The following KCNG2 variants were observed in gnomAD, a reference collection of about 807,000 sequenced individuals.
KCNG2 encodes voltage-gated potassium channel regulatory subunit KCNG2.
KCNG2 carries 7 observed loss-of-function variants against 12.3 expected under a neutral mutation model. That is an observed-to-expected ratio of 0.57 (90% CI 0.32 to 1.07). The LOEUF (loss-of-function observed/expected upper bound fraction) is 1.07. Ranked by LOEUF, KCNG2 falls within the 50% of genes least tolerant of loss-of-function variation. KCNG2 has a pLI of 0.04. For missense variants in KCNG2, 703 were observed against 726.0 expected, an observed-to-expected ratio of 0.97 and a Z score of 0.36; for synonymous variants, 414 against 351.4, an observed-to-expected ratio of 1.18 and a Z score of -1.99.
intron 1 of KCNG2, among the ~76,000 whole-genome samples, chr18:79,815,230 G>A (rs751313935): frequency 6.6e-6 from 1 of 152,030 alleles, no homozygotes; most frequent in Non-Finnish European, 1.5e-5. Context: ...CTTGAACCCA[G>A]GAGTTCAAGA....
chr18:79,815,835 G>T (rs1346082667), intron 1 of KCNG2, among the ~76,000 whole-genome samples: 1 of 152,234 alleles, frequency 6.6e-6, no homozygotes, highest in African/African-American at 2.4e-5. Flanking sequence ...TGGCCTGTGT[G>T]CCCCGATGGC....
rs144991587 is a variant in KCNG2 at position 79,831,849 on chromosome 18, G to A, written c.-114-24530G>A. Among the ~76,000 whole-genome samples the A allele has an allele frequency of 4.6e-3, 693 of 152,276 alleles. 6 individuals are homozygous for A. The highest frequency in any genetic ancestry group is 0.014 in the Middle Eastern group (4 of 294). ...CCTCCCACCCCCACCCTTACCTGGC[G>A]GGCGGCCTAGGTGGTTGTCTCCTGG... On this transcript the variant is annotated intron_variant, in intron 1 of 3. Coordinates refer to ENST00000316249, the MANE Select transcript of KCNG2 (RefSeq NM_012283.2).
At position 79,800,182 on chromosome 18, in the gene KCNG2, C is replaced by T. The variant is rs2087396988; in HGVS notation, c.-115+2168C>T. Reference sequence around the variant, plus strand: ...GTGAAGGGAGCAGATGGGGCTGTGCCGACAGGCATGAGCTCTGGGGGCCGG... The same window carrying T: ...GTGAAGGGAGCAGATGGGGCTGTGCTGACAGGCATGAGCTCTGGGGGCCGG... On this transcript the variant is annotated intron_variant, in intron 1 of 3. Coordinates refer to ENST00000316249, the MANE Select transcript of KCNG2 (RefSeq NM_012283.2). This position sits in a 1 kb window ranked among gnomAD's most constrained non-coding sequence, Gnocchi z 4.0. Among the ~76,000 whole-genome samples, 1 of 151,578 alleles carries T rather than the reference C, an allele frequency of 6.6e-6. No individual in the cohort carries two copies. The highest frequency in any genetic ancestry group is 2.4e-5 in the African/African-American group (1 of 41,174).
chr18:79,813,674 T>A (rs964305646), intron 1 of KCNG2, among the ~76,000 whole-genome samples: 1 of 152,176 alleles, frequency 6.6e-6, no homozygotes, highest in African/African-American at 2.4e-5. Flanking sequence ...TAGGGGAAAT[T>A]CACTGGGACA....
intron 2 of KCNG2, among the ~76,000 whole-genome samples, chr18:79,857,356 G>C (rs1979053552): frequency 6.6e-6 from 1 of 151,514 alleles, no homozygotes; most frequent in Non-Finnish European, 1.5e-5. Context: ...AGTCATCCAA[G>C]GAGCTTTCTC....
chr18:79,848,146 A>C (rs1052495572), intron 1 of KCNG2, among the ~76,000 whole-genome samples: 1 of 152,156 alleles, frequency 6.6e-6, no homozygotes, highest in African/African-American at 2.4e-5. Flanking sequence ...AGCAGCTGCC[A>C]GGGGCCAGTG....
chr18:79,885,192 C>A (rs570267988), intron 3 of KCNG2, among the ~76,000 whole-genome samples: 1 of 152,278 alleles, frequency 6.6e-6, no homozygotes, highest in South Asian at 2.1e-4. Flanking sequence ...CAGGAGCCGG[C>A]CCTGGCACCC....
At chr18:79,828,893 C>T (rs1599376387) in intron 1 of KCNG2, among the ~76,000 whole-genome samples, 2 of 130,984 alleles carry the variant, frequency 1.5e-5, no homozygotes, top group East Asian at 4.7e-4. Flanking sequence ...TGTAACATGT[C>T]CATGATGTGT....
rs3744887 is a variant in KCNG2 at position 79,899,522 on chromosome 18, C to G, written c.1107C>G (p.Thr369=). 1.1e-4 allele frequency: 172 copies of G among 1,606,874 alleles called. 1 individual carries two copies. The highest frequency in any genetic ancestry group is 8.2e-4 in the Middle Eastern group (5 of 6,066). The change falls in exon 4 of 4, where the codon ACC becomes ACG. Residue 369 remains threonine (T), a synonymous_variant. Transcript: ENST00000316249. ...SYWWAVISMT[T]VGYGDMVPRS... ...GGTGGGCCGTCATCTCCATGACCAC[C>G]GTGGGCTACGGCGACATGGTCCCGC...
At chr18:79,894,979 A>T (rs183939169) in intron 3 of KCNG2, among the ~76,000 whole-genome samples, 140 of 105,670 alleles carry the variant, frequency 1.3e-3, no homozygotes, top group Middle Eastern at 8.2e-3. Flanking sequence ...TGTCTGCTTT[A>T]GATTGGGTTG....
intron 3 of KCNG2, among the ~76,000 whole-genome samples, chr18:79,872,621 C>A (rs9964108): frequency 0.015 from 2,260 of 152,288 alleles, 60 homozygotes; most frequent in African/African-American, 0.052. Flanking sequence ...GGTCTCCGGT[C>A]TCTCTTCTTG....
At chr18:79,827,927 C>CTTTTT (rs55913813) in intron 1 of KCNG2, among the ~76,000 whole-genome samples, 2 of 141,130 alleles carry the variant, frequency 1.4e-5, no homozygotes, top group Non-Finnish European at 3.1e-5. Context: ...TTCTTTCTTT[C>CTTTTT]TTTTTTTTTT....
At chr18:79,853,851 G>A (rs1399748509) in intron 1 of KCNG2, among the ~76,000 whole-genome samples, 1 of 152,240 alleles carries the variant, frequency 6.6e-6, no homozygotes, top group African/African-American at 2.4e-5. Flanking sequence ...CCACCCCAGG[G>A]CGGGCACTAC....
At position 79,857,114 on chromosome 18, in the gene KCNG2, T is replaced by C. The variant is rs1979043231; in HGVS notation, c.-41+662T>C. 6.1e-4 allele frequency among the ~76,000 whole-genome samples: 3 copies of C among 4,944 alleles called. 1 individual carries two copies. The South Asian group carries it at 0.028, about 46-fold the overall frequency. The allele number at this position is 4,944 out of a possible 152,430, so 3.2% of individuals were successfully genotyped here. ...TGTGTGGTATTGGATGAATCGGACTTGTCTGTGTTCCTCAGATCTATGCTT... is the reference window on the plus strand; with the variant it reads ...TGTGTGGTATTGGATGAATCGGACTCGTCTGTGTTCCTCAGATCTATGCTT... On this transcript the variant is annotated intron_variant, in intron 2 of 3. Transcript: ENST00000316249.
chr18:79,810,675 G>A (rs916403665), intron 1 of KCNG2, among the ~76,000 whole-genome samples: 5 of 152,090 alleles, frequency 3.3e-5, no homozygotes, highest in Non-Finnish European at 5.9e-5. Flanking sequence ...GAGGTGGGAG[G>A]ATCACTTGAG....
At chr18:79,830,941 G>A (rs11876500) in intron 1 of KCNG2, among the ~76,000 whole-genome samples, 429 of 39,482 alleles carry the variant, frequency 0.011, no homozygotes, top group African/African-American at 0.031. Context: ...GGTTCCCTGC[G>A]GACAGAGCCT....
intron 3 of KCNG2, chr18:79,876,304 GC>G: frequency 1.3e-5 from 2 of 152,786 alleles, no homozygotes; most frequent in Non-Finnish European, 2.9e-5. Flanking sequence ...TCTCCGAAGG[GC>G]CCCAGCCAGG....
chr18:79,854,182 C>G (rs1465368110), intron 1 of KCNG2, among the ~76,000 whole-genome samples: 1 of 152,226 alleles, frequency 6.6e-6, no homozygotes, highest in Non-Finnish European at 1.5e-5. Flanking sequence ...GAGCAGAGCC[C>G]GGCCTTCTGC....
chr18:79,848,106 G>C (rs1358894870), intron 1 of KCNG2, among the ~76,000 whole-genome samples: 2 of 152,164 alleles, frequency 1.3e-5, no homozygotes, highest in African/African-American at 4.8e-5. Flanking sequence ...CCCGGTGAAG[G>C]CAGAATGTCT....
Sources: allele counts gnomAD v4.1 joint callset (sites outside exome capture counted in the v4.1 genomes callset), GRCh38; gene constraint gnomAD v4.1.1; non-coding constraint Gnocchi (gnomAD v3.1); transcripts MANE v1.5; gene names NCBI Gene and HGNC (gene_info 2026-07-23, HGNC 2026-07-21).